NR6A1: variants seen among roughly 807,000 people sequenced by gnomAD.
NR6A1 encodes nuclear receptor subfamily 6 group A member 1.
In NR6A1, 7 loss-of-function variants were observed where a neutral mutation model predicts 59.1. The ratio of observed to expected loss-of-function variants is 0.12; its 90% CI spans 0.07 to 0.22. The LOEUF is 0.22. NR6A1 is among the 10% of genes least tolerant of loss of function. The pLI is 1.00. For missense variants in NR6A1, 468 were observed against 611.6 expected, an observed-to-expected ratio of 0.77 and a Z score of 2.48; for synonymous variants, 243 against 236.1, an observed-to-expected ratio of 1.03 and a Z score of -0.27.
chr9:124,582,793 C>T (rs548913118), intron 2 of NR6A1, among the ~76,000 whole-genome samples: 1 of 152,034 alleles, frequency 6.6e-6, no homozygotes, highest in Non-Finnish European at 1.5e-5. Flanking sequence ...GAGGCTGAGG[C>T]AAAAGGATTG....
At chr9:124,542,400 G>C (rs1250575016) in intron 4 of NR6A1, among the ~76,000 whole-genome samples, 3 of 152,120 alleles carry the variant, frequency 2.0e-5, no homozygotes, top group Non-Finnish European at 2.9e-5. Flanking sequence ...AGACAACTCC[G>C]AACACCTTTC....
chr9:124,665,991 G>A (rs1315554167), intron 2 of NR6A1, among the ~76,000 whole-genome samples: 1 of 152,218 alleles, frequency 6.6e-6, no homozygotes, highest in African/African-American at 2.4e-5. Context: ...TATCTCCACA[G>A]AGCAGGAAGC....
chr9:124,751,642 T>G (rs541787181), intron 1 of NR6A1, among the ~76,000 whole-genome samples: 1 of 152,352 alleles, frequency 6.6e-6, no homozygotes, highest in Non-Finnish European at 1.5e-5. Context: ...TGCCATACAC[T>G]ACATGAGTCT....
intron 2 of NR6A1, among the ~76,000 whole-genome samples, chr9:124,708,858 A>G (rs1839204029): frequency 6.6e-6 from 1 of 152,222 alleles, no homozygotes; most frequent in South Asian, 2.1e-4. Flanking sequence ...GATTAAGCCC[A>G]TCAGCATGCC....
intron 2 of NR6A1, among the ~76,000 whole-genome samples, chr9:124,632,393 T>C (rs1836472683): frequency 6.6e-6 from 1 of 152,248 alleles, no homozygotes; most frequent in Non-Finnish European, 1.5e-5. Context: ...CATTGTGGTT[T>C]TGACTAACAT....
chr9:124,596,306 T>TG (rs1174044440), intron 2 of NR6A1, among the ~76,000 whole-genome samples: 1 of 151,700 alleles, frequency 6.6e-6, no homozygotes, highest in East Asian at 1.9e-4. Context: ...AGGGTTTTTC[T>TG]GGGGGGTATG....
intron 2 of NR6A1, among the ~76,000 whole-genome samples, chr9:124,562,548 G>A (rs556788288): frequency 2.0e-5 from 3 of 152,006 alleles, no homozygotes; most frequent in South Asian, 2.1e-4. Flanking sequence ...CTCACGCCTC[G>A]CCTCCCGAGT....
intron 2 of NR6A1, among the ~76,000 whole-genome samples, chr9:124,565,334 T>C (rs562934086): frequency 2.0e-5 from 3 of 152,050 alleles, no homozygotes; most frequent in Admixed American, 2.0e-4. Context: ...GGCTGAGGCA[T>C]GAGAATCGCT....
At chr9:124,715,374 A>G (rs953789494) in intron 2 of NR6A1, among the ~76,000 whole-genome samples, 1 of 151,704 alleles carries the variant, frequency 6.6e-6, no homozygotes, top group African/African-American at 2.4e-5. Context: ...ATATATATAT[A>G]TTTTTAGAAA....
At chr9:124,676,681 G>C (rs1436319359) in intron 2 of NR6A1, among the ~76,000 whole-genome samples, 2 of 152,146 alleles carry the variant, frequency 1.3e-5, no homozygotes, top group Admixed American at 1.3e-4. Context: ...TGGCAATAAA[G>C]AATCAGTTTA....
intron 2 of NR6A1, among the ~76,000 whole-genome samples, chr9:124,690,767 C>A (rs187820204): frequency 1.3e-5 from 2 of 152,108 alleles, no homozygotes; most frequent in Admixed American, 1.3e-4. Flanking sequence ...ATATAAACCC[C>A]TTAGCCAAAC....
intron 2 of NR6A1, among the ~76,000 whole-genome samples, chr9:124,646,992 G>A (rs1277938733): frequency 2.6e-5 from 4 of 152,256 alleles, no homozygotes; most frequent in South Asian, 2.1e-4. Context: ...ATAGCTCACC[G>A]TAACCTCAAA....
At chr9:124,767,608 T>G (rs1366962145) in intron 1 of NR6A1, among the ~76,000 whole-genome samples, 3 of 150,754 alleles carry the variant, frequency 2.0e-5, no homozygotes, top group African/African-American at 7.3e-5. Flanking sequence ...CTAATGGGAG[T>G]AGGAAAAAAT....
intron 2 of NR6A1, among the ~76,000 whole-genome samples, chr9:124,608,083 T>C (rs1298283648): frequency 3.3e-5 from 5 of 151,898 alleles, no homozygotes; most frequent in Non-Finnish European, 7.4e-5. Flanking sequence ...AAAAAAATAA[T>C]TTCGTGCTTA....
intron 2 of NR6A1, among the ~76,000 whole-genome samples, chr9:124,676,618 A>C (rs1192006561): frequency 6.6e-6 from 1 of 152,236 alleles, no homozygotes; most frequent in East Asian, 1.9e-4. Context: ...AAGACTTCTA[A>C]AACAGTAGAC....
chr9:124,588,934 G>A lies in NR6A1; in HGVS notation c.143-34364C>T, dbSNP rs118182557. ...GACTCTGTCTCAAAAAAAAAAAAAA[G>A]AAAGAAAAAAAAAACAGTATAATGT... is the stretch of plus-strand genomic sequence containing the variant. On this transcript the variant is annotated intron_variant, in intron 2 of 9. Coordinates refer to ENST00000487099, the MANE Select transcript of NR6A1 (RefSeq NM_033334.4). Among the ~76,000 whole-genome samples, 91 of 110,020 alleles carry A rather than the reference G, an allele frequency of 8.3e-4. No homozygotes were observed. The Middle Eastern group carries it at 0.013, about 16-fold the overall frequency. 72.2% of individuals were successfully genotyped at this position (110,020 alleles called of 152,430 possible).
chr9:124,640,680 G>GAGCT (rs1417116980), intron 2 of NR6A1, among the ~76,000 whole-genome samples: 1 of 151,902 alleles, frequency 6.6e-6, no homozygotes. Flanking sequence ...TACAAAGCAT[G>GAGCT]AGCTAGAGTT....
chr9:124,727,649 T>C (rs1334016086), intron 2 of NR6A1, among the ~76,000 whole-genome samples: 1 of 152,190 alleles, frequency 6.6e-6, no homozygotes, highest in South Asian at 2.1e-4. Context: ...TTCTTAAATA[T>C]TGTGACTCTT....
chr9:124,646,569 CA>C (rs1442994869), intron 2 of NR6A1, among the ~76,000 whole-genome samples: 3 of 152,070 alleles, frequency 2.0e-5, no homozygotes, highest in Non-Finnish European at 4.4e-5. Flanking sequence ...CAGAGGTGTC[CA>C]ATCTTTAAGC....
Sources: gnomAD v4.1 joint callset for allele counts (sites outside exome capture counted in the v4.1 genomes callset) on GRCh38, gnomAD v4.1.1 for gene constraint, MANE v1.5 for transcripts, NCBI Gene and HGNC (gene_info 2026-07-23, HGNC 2026-07-21) for gene names.